The following MTOR variants were observed in gnomAD, a reference collection of about 807,000 sequenced individuals.
The protein encoded by MTOR is mechanistic target of rapamycin kinase.
Under a neutral mutation model 319.8 loss-of-function variants are expected in MTOR, and 70 were observed. That is an observed-to-expected ratio of 0.22 (90% confidence interval 0.18 to 0.27). MTOR has a LOEUF of 0.27. Ranked by LOEUF, MTOR falls within the 10% of genes least tolerant of loss-of-function variation. MTOR has a pLI of 1.00. For synonymous variants in MTOR, 1,183 were observed against 1,211.4 expected, an observed-to-expected ratio of 0.98 and a Z score of 0.49; for missense variants, 1,890 against 3,274.4, an observed-to-expected ratio of 0.58 and a Z score of 10.32.
At chr1:11,182,687 C>T (rs1193528482) in intron 28 of MTOR, among the ~76,000 whole-genome samples, 2 of 152,144 alleles carry the variant, frequency 1.3e-5, no homozygotes, top group South Asian at 4.1e-4. Flanking sequence ...GGTCTGTAAA[C>T]CCTACTCTGA....
chr1:11,147,049 G>C (rs1344239869), intron 31 of MTOR, among the ~76,000 whole-genome samples: 1 of 152,196 alleles, frequency 6.6e-6, no homozygotes, highest in Non-Finnish European at 1.5e-5. Context: ...CAGATGAGGG[G>C]AAGTGCATGA....
intron 45 of MTOR, 31 bp from the exon 46 acceptor site, chr1:11,126,827 C>T (rs2100398494): frequency 3.7e-6 from 6 of 1,606,006 alleles, no homozygotes; most frequent in Non-Finnish European, 5.1e-6. Context: ...ATTTAGTGTT[C>T]TGCCTCCAGG....
intron 19 of MTOR, among the ~76,000 whole-genome samples, chr1:11,219,963 G>A (rs927832249): frequency 3.3e-5 from 5 of 150,254 alleles, no homozygotes; most frequent in Non-Finnish European, 5.9e-5. Context: ...AACATGGAAG[G>A]TGGAGGTTGC....
At chr1:11,237,504 C>T (rs189578884) in intron 13 of MTOR, among the ~76,000 whole-genome samples, 11 of 152,076 alleles carry the variant, frequency 7.2e-5, no homozygotes, top group Admixed American at 6.5e-5. Context: ...GATAGGGAGG[C>T]GCTGGGAAGT....
rs1043493213 is a variant in MTOR, at chr1:11,121,926, C to T, written c.6810+53G>A. 31 of 1,603,042 alleles carry T rather than the reference C, an allele frequency of 1.9e-5. No individual in the cohort carries two copies. In the African/African-American group the frequency reaches 2.5e-4, roughly 13 times the overall value. ...GAGAGGAATGAGAAAAGCAGCGCTA[C>T]GGAGATTCCCTGCCACGGAAGGGGC... On this transcript the variant is annotated intron_variant, in intron 48 of 57. Transcript: ENST00000361445. The surrounding 1 kb of genome is among the most constrained non-coding windows in gnomAD (Gnocchi z 4.9).
intron 29 of MTOR, among the ~76,000 whole-genome samples, chr1:11,165,776 C>T (rs1479092320): frequency 1.1e-4 from 16 of 152,046 alleles, no homozygotes; most frequent in African/African-American, 1.4e-4. Context: ...AAAAAGAGCC[C>T]GCATCGCCAA....
In MTOR at chr1:11,106,832, C is replaced by T. The variant is rs1029241137; in HGVS notation, c.*653G>A. The stretch of plus-strand genomic sequence containing the variant: ...GATCCCCTCTGTGCATCTGCTCAGC[C>T]GAGGCTGCCAGCGATCTGAATAAAC... On this transcript the variant is annotated 3_prime_UTR_variant, in exon 58 of 58. Coordinates refer to ENST00000361445, the MANE Select transcript of MTOR (RefSeq NM_004958.4). The T allele has an allele frequency of 6.9e-6, 9 of 1,308,234 alleles. No homozygotes were observed. The highest frequency in any genetic ancestry group is 4.2e-5 in the South Asian group (3 of 70,846). The allele number at this position is 1,308,234 out of a possible 1,614,324, so 81.0% of individuals were successfully genotyped here.
intron 38 of MTOR, 76 bp from the exon 39 acceptor site, chr1:11,130,853 G>A (rs2100434890): frequency 6.7e-7 from 1 of 1,498,778 alleles, no homozygotes; most frequent in Non-Finnish European, 8.9e-7. Flanking sequence ...CAAGGTCGAT[G>A]CTGAGGAACA....
chr1:11,201,190 C>G (rs948253583), intron 26 of MTOR, among the ~76,000 whole-genome samples: 4 of 152,036 alleles, frequency 2.6e-5, no homozygotes, highest in Admixed American at 2.6e-4. Flanking sequence ...TTTTCCTGAT[C>G]TAGGTCAGAG....
At chr1:11,141,906 CAGA>C (rs1643727234) in intron 34 of MTOR, among the ~76,000 whole-genome samples, 1 of 151,088 alleles carries the variant, frequency 6.6e-6, no homozygotes, top group African/African-American at 2.4e-5. Context: ...GAGGCTGAGG[CAGA>C]AGAATGGCGT....
chr1:11,123,992 T>G (rs2100377504), intron 47 of MTOR, among the ~76,000 whole-genome samples: 1 of 152,344 alleles, frequency 6.6e-6, no homozygotes, highest in South Asian at 2.1e-4. Flanking sequence ...TTCACCATGT[T>G]GGCCAGGCTG....
chr1:11,211,026 T>G (rs1224360862), intron 23 of MTOR, 120 bp from the exon 24 acceptor site: 4 of 628,586 alleles, frequency 6.4e-6, no homozygotes, highest in Non-Finnish European at 1.1e-5. Context: ...GCTAGCTCTG[T>G]GATATTCAAA....
chr1:11,220,847 ATC>A, intron 19 of MTOR, among the ~76,000 whole-genome samples: 1 of 152,294 alleles, frequency 6.6e-6, no homozygotes, highest in South Asian at 2.1e-4. Flanking sequence ...ATTTGTGGTA[ATC>A]TGTTATAGCA....
At chr1:11,224,118 G>A (rs1052397465) in intron 19 of MTOR, among the ~76,000 whole-genome samples, 4 of 151,686 alleles carry the variant, frequency 2.6e-5, no homozygotes, top group African/African-American at 7.3e-5. Flanking sequence ...CACAATAAAT[G>A]CAATTGGCCT....
rs59546882 is a variant in MTOR at position 11,227,297 on chromosome 1, C to CAAAAAAAA, written c.3030+1363_3030+1370dup. Among the ~76,000 whole-genome samples the CAAAAAAAA allele has an allele frequency of 8.9e-4, 66 of 74,004 alleles. 1 individual carries two copies. The highest frequency in any genetic ancestry group is 4.8e-3 in the African/African-American group (60 of 12,416). The allele number at this position is 74,004 out of a possible 152,430, so 48.5% of individuals were successfully genotyped here. A position where few individuals can be genotyped will look rare whatever the true frequency, so the allele number is the denominator to read the frequency against. On this transcript the variant is annotated intron_variant, in intron 19 of 57. Transcript: ENST00000361445. Reference sequence around the variant, plus strand: ...TGGGCAACAAAGTGAGACTTTGTCTCAAAAAAAAAAAAAAAAAAAAAAAAA... The same window carrying CAAAAAAAA: ...TGGGCAACAAAGTGAGACTTTGTCTCAAAAAAAAAAAAAAAAAAAAAAAAAAAAAAAAA...
intron 28 of MTOR, among the ~76,000 whole-genome samples, chr1:11,198,851 T>C (rs1645871465): frequency 6.6e-6 from 1 of 152,188 alleles, no homozygotes; most frequent in Non-Finnish European, 1.5e-5. Flanking sequence ...ATCAATAGAT[T>C]TAGTTGATAA....
chr1:11,130,378 G>C, intron 39 of MTOR, 151 bp downstream of exon 39: 1 of 1,236,426 alleles, frequency 8.1e-7, no homozygotes, highest in South Asian at 1.5e-5. Flanking sequence ...CCCTATCTCA[G>C]GCAGTGCTGG....
At chr1:11,238,167 T>C in intron 12 of MTOR, 119 bp from the exon 13 acceptor site, 1 of 1,026,000 alleles carries the variant, frequency 9.7e-7, no homozygotes, top group Non-Finnish European at 1.4e-6. Flanking sequence ...TTTTCTCATC[T>C]AACCTCTGTC....
At position 11,192,166 on chromosome 1, in the gene MTOR, C is replaced by T. The variant is rs28991001; in HGVS notation, c.4253+7092G>A. 886 of 851,186 alleles carry T rather than the reference C, an allele frequency of 1.0e-3. 7 individuals are homozygous for T. In the African/African-American group the frequency reaches 0.014, roughly 13 times the overall value. 52.7% of individuals were successfully genotyped at this position (851,186 alleles called of 1,614,324 possible). ...TGCAGACACTGATGGGTAATTAACA[C>T]CACTGAGAATCCCAGGGTAGAAATA... On this transcript the variant is annotated intron_variant, in intron 28 of 57. Transcript: ENST00000361445.
Sources: gnomAD v4.1 joint callset for allele counts (sites outside exome capture counted in the v4.1 genomes callset) on GRCh38, gnomAD v4.1.1 for gene constraint, Gnocchi (gnomAD v3.1) non-coding constraint, MANE v1.5 for transcripts, NCBI Gene and HGNC (gene_info 2026-07-23, HGNC 2026-07-21) for gene names.